THADA: variants seen among roughly 807,000 people sequenced by gnomAD.
THADA encodes the protein THADA armadillo repeat containing.
A neutral mutation model predicts 219.8 loss-of-function variants in THADA; 213 were observed. That is an observed-to-expected ratio of 0.97 (90% CI 0.87 to 1.09). THADA has a LOEUF of 1.09. Ranked by LOEUF, THADA falls within the 50% of genes least tolerant of loss-of-function variation. The pLI is 0.00. For missense variants in THADA, 2,956 were observed against 2,311.3 expected (o/e 1.28, Z -5.72); for synonymous variants, 1,018 against 828.9 (o/e 1.23, Z -3.92).
At chr2:43,551,980 A>G in intron 18 of THADA, 55 bp from the exon 19 acceptor site, 1 of 1,580,602 alleles carries the variant, frequency 6.3e-7, no homozygotes, top group Non-Finnish European at 8.6e-7. Context: ...ACATTTTAAA[A>G]ATGAAAATTA....
chr2:43,323,554 G>A (rs1678995355), intron 30 of THADA, among the ~76,000 whole-genome samples: 1 of 152,204 alleles, frequency 6.6e-6, no homozygotes, highest in South Asian at 2.1e-4. Context: ...GCCATTCAGG[G>A]AGGAAAGCCA....
intron 11 of THADA, among the ~76,000 whole-genome samples, chr2:43,574,075 T>C (rs1350528822): frequency 6.6e-6 from 1 of 152,148 alleles, no homozygotes; most frequent in Admixed American, 6.5e-5. Context: ...CTTGAAAAAA[T>C]GAATTAAAAC....
At chr2:43,274,148 GTC>G (rs1056323789) in intron 36 of THADA, among the ~76,000 whole-genome samples, 4 of 152,072 alleles carry the variant, frequency 2.6e-5, no homozygotes, top group African/African-American at 9.7e-5. Flanking sequence ...CAGGGGCATG[GTC>G]CCTGCAGCCC....
At chr2:43,392,775 C>T (rs1673544427) in intron 29 of THADA, among the ~76,000 whole-genome samples, 1 of 152,130 alleles carries the variant, frequency 6.6e-6, no homozygotes, top group African/African-American at 2.4e-5. Context: ...CTCTTCATTT[C>T]TGTTACTCAT....
chr2:43,558,058 T>C (rs1370727359), intron 16 of THADA, among the ~76,000 whole-genome samples: 2 of 152,236 alleles, frequency 1.3e-5, no homozygotes, highest in Non-Finnish European at 2.9e-5. Context: ...AGAACTGTTT[T>C]ATTAATCATT....
At chr2:43,240,455 G>A (rs989101325) in intron 36 of THADA, among the ~76,000 whole-genome samples, 1 of 152,148 alleles carries the variant, frequency 6.6e-6, no homozygotes, top group East Asian at 1.9e-4. Context: ...AAACAAGCTC[G>A]GTTCAGCTGA....
chr2:43,292,751 T>A, intron 32 of THADA, 83 bp downstream of exon 32: 1 of 1,523,814 alleles, frequency 6.6e-7, no homozygotes, highest in Non-Finnish European at 8.8e-7. Context: ...AACCCAATCT[T>A]GCCTTCATGA....
chr2:43,579,598 C>G (rs1700201199), intron 8 of THADA, among the ~76,000 whole-genome samples: 1 of 152,138 alleles, frequency 6.6e-6, no homozygotes, highest in African/African-American at 2.4e-5. Context: ...CAGCCAAAAG[C>G]AGGATACTTG....
intron 28 of THADA, among the ~76,000 whole-genome samples, chr2:43,416,371 T>A (rs1449143322): frequency 6.6e-6 from 1 of 152,234 alleles, no homozygotes; most frequent in African/African-American, 2.4e-5. Flanking sequence ...CTTTCCTGTA[T>A]GATTTAATAA....
chr2:43,312,724 T>G (rs1424772203), intron 31 of THADA, among the ~76,000 whole-genome samples: 1 of 151,874 alleles, frequency 6.6e-6, no homozygotes, highest in Middle Eastern at 3.2e-3. Context: ...CCTGTTTTTT[T>G]TTTTTTTTTT....
chr2:43,527,378 A>G (rs1335564872), intron 22 of THADA, among the ~76,000 whole-genome samples: 3 of 152,252 alleles, frequency 2.0e-5, no homozygotes, highest in African/African-American at 4.8e-5. Context: ...GGTTAAATAT[A>G]TGAAATCTAT....
chr2:43,507,084 T>C (rs902292003), intron 23 of THADA, among the ~76,000 whole-genome samples: 1 of 152,180 alleles, frequency 6.6e-6, no homozygotes, highest in Admixed American at 6.5e-5. Context: ...ACTAAGCAGA[T>C]TTCCACCAAA....
intron 29 of THADA, among the ~76,000 whole-genome samples, chr2:43,349,556 A>C (rs60959009): frequency 0.019 from 2,823 of 152,274 alleles, 41 homozygotes; most frequent in African/African-American, 0.047. Context: ...TGCAACGCTG[A>C]GATGGGTTTT....
intron 26 of THADA, among the ~76,000 whole-genome samples, chr2:43,468,541 C>G (rs1009216262): frequency 2.0e-5 from 3 of 152,144 alleles, no homozygotes; most frequent in Middle Eastern, 3.2e-3. Flanking sequence ...GTCCTCCTCA[C>G]TGCATTGCCC....
intron 31 of THADA, among the ~76,000 whole-genome samples, chr2:43,301,755 T>C (rs1676289104): frequency 6.6e-6 from 1 of 152,136 alleles, no homozygotes. Flanking sequence ...AGCAGTCTAG[T>C]TTTAAAGTGA....
intron 33 of THADA, 120 bp downstream of exon 33, chr2:43,291,984 G>A: frequency 1.3e-6 from 1 of 776,050 alleles, no homozygotes; most frequent in South Asian, 2.0e-5. Flanking sequence ...CTTAGGCTGA[G>A]GTTTAGAATG....
chr2:43,484,940 T>TAAA (rs1185045428), intron 26 of THADA, among the ~76,000 whole-genome samples: 4 of 130,316 alleles, frequency 3.1e-5, no homozygotes, highest in African/African-American at 9.0e-5. Flanking sequence ...AAGATGCAAT[T>TAAA]AAAAAAAAAA....
At chr2:43,348,026 G>A (rs542236999) in intron 29 of THADA, among the ~76,000 whole-genome samples, 1 of 152,322 alleles carries the variant, frequency 6.6e-6, no homozygotes, top group African/African-American at 2.4e-5. Context: ...TACTGTAGTA[G>A]TCTAGACAAG....
intron 26 of THADA, among the ~76,000 whole-genome samples, chr2:43,438,940 T>C (rs1336149713): frequency 6.6e-6 from 1 of 152,242 alleles, no homozygotes; most frequent in Non-Finnish European, 1.5e-5. Context: ...ATATACCTTA[T>C]ACTGTACTCA....
Sources: gnomAD v4.1 joint callset for allele counts (sites outside exome capture counted in the v4.1 genomes callset) on GRCh38, gnomAD v4.1.1 for gene constraint, MANE v1.5 for transcripts, NCBI Gene and HGNC (gene_info 2026-07-23, HGNC 2026-07-21) for gene names.